Variants in LRP11 observed in about 807,000 individuals in gnomAD.
LRP11 encodes LDL receptor related protein 11, also known as low-density lipoprotein receptor-related protein 11.
LRP11 carries 25 observed loss-of-function variants against 43.1 expected under a neutral mutation model. That is an observed-to-expected ratio of 0.58 (90% CI 0.42 to 0.81). LRP11 has a LOEUF of 0.81. LRP11 is among the 30% of genes least tolerant of loss of function. The probability of loss-of-function intolerance (pLI) is 0.00; values close to 1 mark genes in which losing one functional copy is unlikely to be tolerated. For synonymous variants in LRP11, 316 were observed against 299.4 expected, an observed-to-expected ratio of 1.06 and a Z score of -0.57; for missense variants, 623 against 665.1, an observed-to-expected ratio of 0.94 and a Z score of 0.70.
chr6:149,857,540 G>GT (rs1393629240), intron 1 of LRP11, among the ~76,000 whole-genome samples: 3 of 151,786 alleles, frequency 2.0e-5, no homozygotes, highest in African/African-American at 7.3e-5. Flanking sequence ...AACAAAGATG[G>GT]TAACAGCCCT....
chr6:149,846,463 G>A (rs758168206), intron 2 of LRP11, among the ~76,000 whole-genome samples: 1 of 152,188 alleles, frequency 6.6e-6, no homozygotes, highest in Non-Finnish European at 1.5e-5. Context: ...CAGACAAGAA[G>A]CCCTGAGACT....
chr6:149,826,647 G>T (rs1424584131), intron 5 of LRP11, among the ~76,000 whole-genome samples: 1 of 152,034 alleles, frequency 6.6e-6, no homozygotes, highest in Non-Finnish European at 1.5e-5. Context: ...TCTCAGGCTA[G>T]AAGAGTCACA....
At chr6:149,825,567 T>C (rs1218885920) in intron 6 of LRP11, among the ~76,000 whole-genome samples, 1 of 152,200 alleles carries the variant, frequency 6.6e-6, no homozygotes, top group East Asian at 1.9e-4. Context: ...GCAGGTATTG[T>C]TACTATCCTC....
intron 3 of LRP11, among the ~76,000 whole-genome samples, chr6:149,837,782 C>CTGT (rs1776492580): frequency 6.6e-6 from 1 of 152,188 alleles, no homozygotes; most frequent in Non-Finnish European, 1.5e-5. Context: ...AGCTGTCTCC[C>CTGT]TCTTCATTCA....
In LRP11 at chr6:149,863,479, T is replaced by TA; in HGVS notation, c.541dup (p.Tyr181LeufsTer32). On this transcript the variant is annotated frameshift_variant, in exon 1 of 7. Coordinates refer to ENST00000239367, the MANE Select transcript of LRP11 (RefSeq NM_032832.6). LOFTEE classifies it high-confidence loss of function. ...CGCGCGGCTGAGGCTGTAGCTGCTG[T>TA]AGCCGCTGTGCAGCGCGAACTTGCA... 7.4e-7 allele frequency: 1 copy of TA among 1,346,268 alleles called. No individual in the cohort carries two copies. 83.4% of individuals were successfully genotyped at this position (1,346,268 alleles called of 1,614,324 possible).
rs1422234837 is a variant in LRP11 at position 149,864,341 on chromosome 6, C to T, written c.-321G>A. 1.7e-5 allele frequency: 17 copies of T among 1,008,280 alleles called. No individual in the cohort carries two copies. The Admixed American group carries it at 9.4e-4, about 56-fold the overall frequency. 62.5% of individuals were successfully genotyped at this position (1,008,280 alleles called of 1,614,324 possible). On this transcript the variant is annotated 5_prime_UTR_variant, in exon 1 of 7. It adds an upstream start codon to the 5' untranslated region. Coordinates refer to ENST00000239367, the MANE Select transcript of LRP11 (RefSeq NM_032832.6). Reference sequence around the variant, plus strand: ...GAGTCGGCCTCGGCGTTGATCAGCACCAGGTGTGTGCGAACAGTGGCCGCG... The same window carrying T: ...GAGTCGGCCTCGGCGTTGATCAGCATCAGGTGTGTGCGAACAGTGGCCGCG...
chr6:149,844,031 G>A (rs1359860580), intron 2 of LRP11, among the ~76,000 whole-genome samples: 1 of 152,302 alleles, frequency 6.6e-6, no homozygotes, highest in East Asian at 1.9e-4. Context: ...AAGGCGGGCG[G>A]ATGATGAGGT....
At chr6:149,856,544 G>A (rs941226134) in intron 1 of LRP11, among the ~76,000 whole-genome samples, 1 of 152,158 alleles carries the variant, frequency 6.6e-6, no homozygotes, top group African/African-American at 2.4e-5. Flanking sequence ...TTTAAAATGT[G>A]TGACTTGCTA....
At chr6:149,835,935 G>A (rs1044044312) in intron 5 of LRP11, 150 bp downstream of exon 5, 1 of 694,876 alleles carries the variant, frequency 1.4e-6, no homozygotes, top group Non-Finnish European at 2.4e-6. Context: ...CAAATGTCAA[G>A]ATTTCCCCCC....
chr6:149,859,396 A>ATATTTTTTTTTTTTTT, intron 1 of LRP11, among the ~76,000 whole-genome samples: 3 of 71,496 alleles, frequency 4.2e-5, no homozygotes, highest in African/African-American at 2.5e-4. Context: ...ATATATATAT[A>ATATTTTTTTTTTTTTT]TTTTTTTTTT....
chr6:149,821,068 T>C (rs1776272475), intron 6 of LRP11, among the ~76,000 whole-genome samples: 1 of 151,806 alleles, frequency 6.6e-6, no homozygotes, highest in South Asian at 2.1e-4. Context: ...GTAGCTGGGA[T>C]TACAGGTGCC....
In LRP11 at chr6:149,835,843, T is replaced by C. The variant is rs1583081063; in HGVS notation, c.1252+242A>G. ...TTGGTTTACGTAAGCTAAGTGTTAA[T>C]GTATTTACAAATAAATGTATTAGTG... On this transcript the variant is annotated intron_variant, in intron 5 of 6. Coordinates refer to ENST00000239367, the MANE Select transcript of LRP11 (RefSeq NM_032832.6). 2.0e-5 allele frequency among the ~76,000 whole-genome samples: 3 copies of C among 152,208 alleles called. No individual in the cohort carries two copies. The South Asian group carries it at 6.2e-4, about 31-fold the overall frequency.
At position 149,864,358 on chromosome 6, in the gene LRP11, G is replaced by T. The variant is rs1309372781; in HGVS notation, c.-338C>A. 2 of 997,928 alleles carry T rather than the reference G, an allele frequency of 2.0e-6. No homozygotes were observed. Among genetic ancestry groups the T allele is most frequent in the Non-Finnish European group, 2.4e-6 (2 of 838,466 alleles). The allele number at this position is 997,928 out of a possible 1,614,324, so 61.8% of individuals were successfully genotyped here. A position where few individuals can be genotyped will look rare whatever the true frequency, so the allele number is the denominator to read the frequency against. On this transcript the variant is annotated 5_prime_UTR_variant, in exon 1 of 7. It adds an upstream start codon to the 5' untranslated region. Coordinates refer to ENST00000239367, the MANE Select transcript of LRP11 (RefSeq NM_032832.6). ...GATCAGCACCAGGTGTGTGCGAACA[G>T]TGGCCGCGGCGGGGTGGAGCCTTGG...
chr6:149,835,976 C>G, intron 5 of LRP11, 109 bp downstream of exon 5: 1 of 1,036,838 alleles, frequency 9.6e-7, no homozygotes, highest in Non-Finnish European at 1.4e-6. Flanking sequence ...AATTTTAACT[C>G]TTATTTCAAG....
chr6:149,863,329 T>C, intron 1 of LRP11, 79 bp downstream of exon 1: 1 of 1,289,602 alleles, frequency 7.8e-7, no homozygotes, highest in Non-Finnish European at 9.8e-7. Context: ...GGCACGAGTG[T>C]GTTTCGCTTC....
chr6:149,852,469 T>C (rs1171701671), intron 2 of LRP11: 1 of 152,150 alleles, frequency 6.6e-6, no homozygotes, highest in Non-Finnish European at 1.5e-5. Context: ...TCGGCGGCTA[T>C]CCCAGGAGCC....
At chr6:149,840,287 G>A (rs1776526974) in intron 3 of LRP11, among the ~76,000 whole-genome samples, 1 of 152,082 alleles carries the variant, frequency 6.6e-6, no homozygotes, top group African/African-American at 2.4e-5. Context: ...TTAATTCATA[G>A]CATGTTATTC....
At chr6:149,844,190 T>C (rs1583087214) in intron 2 of LRP11, among the ~76,000 whole-genome samples, 1 of 151,440 alleles carries the variant, frequency 6.6e-6, no homozygotes, top group Admixed American at 6.6e-5. Context: ...GAGACAGAGG[T>C]TGTAGTGTGC....
intron 3 of LRP11, among the ~76,000 whole-genome samples, chr6:149,841,918 CA>C (rs1434115269): frequency 1.4e-5 from 2 of 145,918 alleles, no homozygotes; most frequent in Middle Eastern, 3.5e-3. Flanking sequence ...AACTCCCTCT[CA>C]AAAAAAAAAT....
Sources: gnomAD v4.1 joint callset for allele counts (sites outside exome capture counted in the v4.1 genomes callset) on GRCh38, gnomAD v4.1.1 for gene constraint, MANE v1.5 for transcripts, NCBI Gene and HGNC (gene_info 2026-07-23, HGNC 2026-07-21) for gene names.